Variants in PARD3 observed in about 807,000 individuals in gnomAD.
PARD3 encodes the protein partitioning defective 3 homolog.
PARD3 carries 75 observed loss-of-function variants against 155.4 expected under a neutral mutation model. That is an observed-to-expected ratio of 0.48 (90% CI 0.40 to 0.58). PARD3 has a LOEUF of 0.58. Among genes scored for constraint, PARD3 ranks in the 20% least tolerant of loss-of-function variants. The pLI is 0.00. For synonymous variants in PARD3, 576 were observed against 610.5 expected, an observed-to-expected ratio of 0.94 and a Z score of 0.83; for missense variants, 1,642 against 1,721.7, an observed-to-expected ratio of 0.95 and a Z score of 0.82.
At chr10:34,413,996 C>T (rs1017436919) in intron 5 of PARD3, among the ~76,000 whole-genome samples, 1 of 151,996 alleles carries the variant, frequency 6.6e-6, no homozygotes, top group Non-Finnish European at 1.5e-5. Context: ...CCATCTAGCC[C>T]GGGCAACACA....
chr10:34,420,794 G>T (rs1056221002), intron 5 of PARD3, among the ~76,000 whole-genome samples: 1 of 152,130 alleles, frequency 6.6e-6, no homozygotes. Context: ...CCACAGTTCG[G>T]TTTCTTTTCT....
chr10:34,382,781 G>A lies in PARD3; in HGVS notation c.1158C>T (p.Ser386=). 6.2e-7 allele frequency: 1 copy of A among 1,614,154 alleles called. No homozygotes were observed. The highest frequency in any genetic ancestry group is 2.2e-5 in the East Asian group (1 of 44,882). Residue 386 remains serine, a synonymous_variant, in exon 9 of 25, where the codon AGC becomes AGT. Coordinates refer to ENST00000374788, the MANE Select transcript of PARD3 (RefSeq NM_001184785.2). The stretch of plus-strand genomic sequence containing the variant: ...TCACACTCCTGTTGTCAATATACTG[G>A]CTGTCAGGGCTAAAACGGCTTGAAT... The part of the protein sequence containing the change: ...NYYSSRFSPD[S]QYIDNRSVNS...
intron 21 of PARD3, among the ~76,000 whole-genome samples, chr10:34,279,895 T>TA (rs1275632686): frequency 6.6e-6 from 1 of 152,252 alleles, no homozygotes; most frequent in African/African-American, 2.4e-5. Context: ...ATTCCTTCTA[T>TA]ACTGGGAGGA....
At chr10:34,743,714 G>T (rs987193456) in intron 1 of PARD3, among the ~76,000 whole-genome samples, 1 of 152,168 alleles carries the variant, frequency 6.6e-6, no homozygotes, top group Non-Finnish European at 1.5e-5. Flanking sequence ...TGAAGTCATT[G>T]TTCCATTTCA....
At chr10:34,471,410 T>C (rs1160816814) in intron 3 of PARD3, among the ~76,000 whole-genome samples, 2 of 152,300 alleles carry the variant, frequency 1.3e-5, no homozygotes, top group Admixed American at 1.3e-4. Context: ...CTGCAATAGC[T>C]GCAATCAGAA....
intron 22 of PARD3, among the ~76,000 whole-genome samples, chr10:34,175,757 T>A (rs977807480): frequency 1.3e-4 from 20 of 152,250 alleles, no homozygotes; most frequent in African/African-American, 4.3e-4. Flanking sequence ...GGAAAGGGAG[T>A]TTAAAACAAT....
chr10:34,537,775 C>T (rs2083323231), intron 2 of PARD3, among the ~76,000 whole-genome samples: 2 of 152,202 alleles, frequency 1.3e-5, no homozygotes, highest in South Asian at 4.1e-4. Context: ...GAAACAGAAA[C>T]TCAAACACTG....
chr10:34,759,220 A>G (rs1442461472), intron 1 of PARD3, among the ~76,000 whole-genome samples: 6 of 152,138 alleles, frequency 3.9e-5, no homozygotes, highest in Non-Finnish European at 7.3e-5. Context: ...GAAATATACT[A>G]CGGCATAGAA....
At chr10:34,740,804 A>T (rs2094995662) in intron 1 of PARD3, among the ~76,000 whole-genome samples, 1 of 152,204 alleles carries the variant, frequency 6.6e-6, no homozygotes, top group South Asian at 2.1e-4. Flanking sequence ...GCATAAAAAA[A>T]TTGATAAAGC....
chr10:34,573,200 T>G (rs1173742175), intron 2 of PARD3, among the ~76,000 whole-genome samples: 1 of 147,296 alleles, frequency 6.8e-6, no homozygotes, highest in Non-Finnish European at 1.5e-5. Context: ...ACAAAAAAGT[T>G]CAAAAATTAG....
intron 5 of PARD3, among the ~76,000 whole-genome samples, chr10:34,443,776 T>A (rs1183222071): frequency 1.3e-5 from 2 of 152,150 alleles, no homozygotes; most frequent in Non-Finnish European, 2.9e-5. Context: ...ATATTGTTTA[T>A]AATGCATAAA....
intron 7 of PARD3, among the ~76,000 whole-genome samples, chr10:34,395,843 C>CAAAAAA (rs1173283584): frequency 1.3e-4 from 3 of 23,292 alleles, no homozygotes; most frequent in Admixed American, 6.9e-4. Flanking sequence ...GACTCCGTCT[C>CAAAAAA]AAAAAAAAAA....
chr10:34,433,747 G>A (rs1013477075), intron 5 of PARD3, among the ~76,000 whole-genome samples: 3 of 152,232 alleles, frequency 2.0e-5, no homozygotes, highest in Non-Finnish European at 4.4e-5. Flanking sequence ...CAAAATGGTT[G>A]CTGTAAAAAT....
At chr10:34,464,938 A>G (rs2077909635) in intron 4 of PARD3, among the ~76,000 whole-genome samples, 1 of 152,188 alleles carries the variant, frequency 6.6e-6, no homozygotes, top group Non-Finnish European at 1.5e-5. Context: ...CTGGTTCCAG[A>G]ACCCCTTGCA....
At chr10:34,632,606 A>C (rs559404649) in intron 2 of PARD3, among the ~76,000 whole-genome samples, 1 of 152,358 alleles carries the variant, frequency 6.6e-6, no homozygotes, top group African/African-American at 2.4e-5. Flanking sequence ...TACCAGGTAG[A>C]TACAAATCAG....
chr10:34,548,373 A>G (rs1379144638), intron 2 of PARD3, among the ~76,000 whole-genome samples: 1 of 151,974 alleles, frequency 6.6e-6, no homozygotes, highest in Non-Finnish European at 1.5e-5. Flanking sequence ...GTGGTACATG[A>G]CTGTAGTCCC....
chr10:34,372,950 C>T (rs546645254), intron 11 of PARD3, among the ~76,000 whole-genome samples: 2 of 152,018 alleles, frequency 1.3e-5, no homozygotes, highest in African/African-American at 2.4e-5. Flanking sequence ...GTCTGAACCA[C>T]AGCTTTATAC....
At chr10:34,351,505 C>A (rs1838077288) in intron 14 of PARD3, among the ~76,000 whole-genome samples, 1 of 152,146 alleles carries the variant, frequency 6.6e-6, no homozygotes, top group African/African-American at 2.4e-5. Context: ...CATAAAGCAA[C>A]TAATGAAAAC....
At chr10:34,683,017 G>A (rs2133357299) in intron 2 of PARD3, among the ~76,000 whole-genome samples, 1 of 152,304 alleles carries the variant, frequency 6.6e-6, no homozygotes, top group African/African-American at 2.4e-5. Flanking sequence ...TTCTTGCCGA[G>A]CACAAAACCT....
Sources: allele counts gnomAD v4.1 joint callset (sites outside exome capture counted in the v4.1 genomes callset), GRCh38; gene constraint gnomAD v4.1.1; transcripts MANE v1.5; gene names NCBI Gene and HGNC (gene_info 2026-07-23, HGNC 2026-07-21).